NCAM2: variants seen among roughly 807,000 people sequenced by gnomAD.
NCAM2 encodes the protein neural cell adhesion molecule 2, also known as N-CAM-2.
Under a neutral mutation model 98.1 loss-of-function variants are expected in NCAM2, and 30 were observed. That is an observed-to-expected ratio of 0.31 (90% CI 0.23 to 0.41). The LOEUF (loss-of-function observed/expected upper bound fraction) is 0.41, where lower values mean the gene tolerates loss of function less well. Among genes scored for constraint, NCAM2 ranks in the 10% least tolerant of loss-of-function variants. The probability of loss-of-function intolerance (pLI) is 1.00; values close to 1 mark genes in which losing one functional copy is unlikely to be tolerated. For missense variants in NCAM2, 867 were observed against 1,005.8 expected (o/e 0.86, Z 1.87); for synonymous variants, 368 against 342.4 (o/e 1.07, Z -0.83).
chr21:21,204,955 C>T (rs768654852), intron 1 of NCAM2, among the ~76,000 whole-genome samples: 5 of 152,056 alleles, frequency 3.3e-5, no homozygotes, highest in Non-Finnish European at 7.4e-5. Context: ...TTCGAACTCT[C>T]CTTTTTCTAA....
intron 7 of NCAM2, among the ~76,000 whole-genome samples, chr21:21,337,356 AC>A (rs1213428190): frequency 1.3e-5 from 2 of 152,128 alleles, no homozygotes; most frequent in African/African-American, 4.8e-5. Flanking sequence ...CATTCAACAA[AC>A]TTTTGTTGCT....
chr21:21,200,022 G>T (rs1360014883), intron 1 of NCAM2, among the ~76,000 whole-genome samples: 1 of 152,022 alleles, frequency 6.6e-6, no homozygotes, highest in African/African-American at 2.4e-5. Context: ...CATGAAGACT[G>T]CCCCCGAATT....
chr21:21,185,606 C>G (rs1249696889), intron 1 of NCAM2, among the ~76,000 whole-genome samples: 1 of 152,146 alleles, frequency 6.6e-6, no homozygotes, highest in Non-Finnish European at 1.5e-5. Flanking sequence ...AGTCACATCT[C>G]CCAAAGCTTG....
At chr21:21,150,109 T>A (rs901032819) in intron 1 of NCAM2, among the ~76,000 whole-genome samples, 2 of 152,140 alleles carry the variant, frequency 1.3e-5, no homozygotes, top group Admixed American at 6.5e-5. Context: ...ATGTGAAATT[T>A]TTTTCTAAAT....
chr21:21,343,358 T>TACAC (rs71195322), intron 8 of NCAM2, among the ~76,000 whole-genome samples: 3,107 of 120,802 alleles, frequency 0.026, 68 homozygotes, highest in South Asian at 0.043. Context: ...TCTATACACA[T>TACAC]ACACACACAC....
intron 12 of NCAM2, among the ~76,000 whole-genome samples, chr21:21,435,872 A>G (rs1425175359): frequency 6.6e-6 from 1 of 152,184 alleles, no homozygotes; most frequent in Non-Finnish European, 1.5e-5. Flanking sequence ...CCAAGTTTTT[A>G]AGGATTTCTT....
At chr21:21,053,364 A>G (rs73218289) in intron 1 of NCAM2, among the ~76,000 whole-genome samples, 9,086 of 151,984 alleles carry the variant, frequency 0.06, 287 homozygotes, top group East Asian at 0.096. Flanking sequence ...GTTATTCCTT[A>G]CTTGTGTATA....
chr21:21,467,190 C>G (rs9983459), intron 13 of NCAM2, among the ~76,000 whole-genome samples: 1,715 of 151,746 alleles, frequency 0.011, 44 homozygotes, highest in African/African-American at 0.038. Flanking sequence ...CAGGAGAAGC[C>G]TTGTTCTGAT....
chr21:21,460,605 G>A (rs1602409192), intron 12 of NCAM2, among the ~76,000 whole-genome samples: 1 of 151,972 alleles, frequency 6.6e-6, no homozygotes, highest in Non-Finnish European at 1.5e-5. Context: ...TAAAAGTGGT[G>A]TTTCATTTGG....
At chr21:21,402,843 G>T (rs925104292) in intron 9 of NCAM2, among the ~76,000 whole-genome samples, 2 of 152,064 alleles carry the variant, frequency 1.3e-5, no homozygotes, top group Non-Finnish European at 1.5e-5. Flanking sequence ...TCCCCTGATA[G>T]GTAGTTCCGT....
intron 1 of NCAM2, among the ~76,000 whole-genome samples, chr21:21,151,698 C>G (rs1030631226): frequency 3.3e-5 from 5 of 151,944 alleles, no homozygotes; most frequent in African/African-American, 1.2e-4. Context: ...TTGTAATAAA[C>G]TTGGGTCCTG....
intron 1 of NCAM2, among the ~76,000 whole-genome samples, chr21:21,176,412 A>C (rs1394342859): frequency 6.6e-6 from 1 of 152,178 alleles, no homozygotes; most frequent in African/African-American, 2.4e-5. Context: ...ATGGATAATC[A>C]TAACTGCATT....
At chr21:21,374,142 T>C in intron 9 of NCAM2, 129 bp downstream of exon 9, 1 of 784,898 alleles carries the variant, frequency 1.3e-6, no homozygotes, top group East Asian at 3.0e-5. Flanking sequence ...TTAGAGGAAA[T>C]ATAGGAATCA....
At chr21:21,048,547 G>T (rs6417720) in intron 1 of NCAM2, among the ~76,000 whole-genome samples, 141,754 of 152,164 alleles carry the variant, frequency 0.93, 66,843 homozygotes, top group East Asian at 1. Flanking sequence ...TAGAGACAGG[G>T]TTTCACTGTG....
intron 1 of NCAM2, among the ~76,000 whole-genome samples, chr21:21,052,875 T>C (rs938494652): frequency 5.3e-5 from 8 of 152,232 alleles, no homozygotes; most frequent in African/African-American, 1.9e-4. Flanking sequence ...ATTTGTGTCC[T>C]CTTAAAAAAT....
intron 12 of NCAM2, among the ~76,000 whole-genome samples, chr21:21,432,844 A>C (rs1419120360): frequency 6.6e-6 from 1 of 152,042 alleles, no homozygotes; most frequent in Non-Finnish European, 1.5e-5. Context: ...TTGTTTTCTC[A>C]TTAGGAGGAG....
chr21:21,408,411 T>C (rs369965737), intron 9 of NCAM2, among the ~76,000 whole-genome samples: 37 of 152,312 alleles, frequency 2.4e-4, no homozygotes, highest in African/African-American at 8.9e-4. Context: ...TAATAGTGCA[T>C]TAAAAGTCCT....
intron 10 of NCAM2, among the ~76,000 whole-genome samples, chr21:21,411,749 G>C (rs2145924047): frequency 6.6e-6 from 1 of 152,158 alleles, no homozygotes; most frequent in East Asian, 1.9e-4. Context: ...TATCCATACT[G>C]CCTTAACTTA....
At chr21:21,019,788 A>G (rs1429019262) in intron 1 of NCAM2, among the ~76,000 whole-genome samples, 1 of 152,176 alleles carries the variant, frequency 6.6e-6, no homozygotes, top group Non-Finnish European at 1.5e-5. Context: ...CACTGAATAC[A>G]TTCTATTCAG....
Sources: gnomAD v4.1 joint callset for allele counts (sites outside exome capture counted in the v4.1 genomes callset) on GRCh38, gnomAD v4.1.1 for gene constraint, MANE v1.5 for transcripts, NCBI Gene and HGNC (gene_info 2026-07-23, HGNC 2026-07-21) for gene names.